Variants in TBC1D5 observed in about 807,000 individuals in gnomAD.
TBC1D5 encodes the protein TBC1 domain family member 5, also known as TBC1 domain family, member 5.
TBC1D5 carries 75 observed loss-of-function variants against 100.3 expected under a neutral mutation model. The ratio of observed to expected loss-of-function variants is 0.75; its 90% CI spans 0.62 to 0.91. The LOEUF (loss-of-function observed/expected upper bound fraction) is 0.91. Among genes scored for constraint, TBC1D5 ranks in the 40% least tolerant of loss-of-function variants. The probability of loss-of-function intolerance (pLI) is 0.00; values close to 1 mark genes in which losing one functional copy is unlikely to be tolerated. For synonymous variants in TBC1D5, 323 were observed against 325.6 expected (o/e 0.99, Z 0.09); for missense variants, 910 against 942.4 (o/e 0.97, Z 0.45).
At chr3:17,491,828 A>G (rs1266561285) in intron 3 of TBC1D5, among the ~76,000 whole-genome samples, 1 of 152,166 alleles carries the variant, frequency 6.6e-6, no homozygotes. Context: ...TGAGTTAGGG[A>G]GGAGTCCCTC....
intron 2 of TBC1D5, among the ~76,000 whole-genome samples, chr3:17,571,651 T>C (rs545435723): frequency 6.6e-6 from 1 of 152,010 alleles, no homozygotes; most frequent in Non-Finnish European, 1.5e-5. Flanking sequence ...CCTGAAAACC[T>C]TCCAACACTC....
At chr3:17,290,596 C>G (rs1011594817) in intron 15 of TBC1D5, among the ~76,000 whole-genome samples, 1 of 152,162 alleles carries the variant, frequency 6.6e-6, no homozygotes, top group African/African-American at 2.4e-5. Context: ...GATCAAAACT[C>G]ATACCTCATT....
chr3:17,558,906 T>C (rs2096538874), intron 2 of TBC1D5, among the ~76,000 whole-genome samples: 1 of 152,180 alleles, frequency 6.6e-6, no homozygotes, highest in Non-Finnish European at 1.5e-5. Context: ...TGTACAAAAA[T>C]GGATGCCAGG....
At chr3:17,259,259 C>A (rs186562625) in intron 15 of TBC1D5, among the ~76,000 whole-genome samples, 358 of 152,288 alleles carry the variant, frequency 2.4e-3, no homozygotes, top group Non-Finnish European at 3.8e-3. Context: ...TTCTAGAATG[C>A]AACATTATTT....
intron 1 of TBC1D5, among the ~76,000 whole-genome samples, chr3:17,688,186 T>C (rs2153822377): frequency 6.6e-6 from 1 of 152,206 alleles, no homozygotes; most frequent in South Asian, 2.1e-4. Context: ...TCATATACAA[T>C]AACCCATTTC....
intron 3 of TBC1D5, among the ~76,000 whole-genome samples, chr3:17,438,315 A>G (rs1477435606): frequency 6.6e-6 from 1 of 152,202 alleles, no homozygotes; most frequent in Non-Finnish European, 1.5e-5. Context: ...TATTAAGGCC[A>G]TAAAAGATTT....
At chr3:17,669,827 G>A (rs1315154220) in intron 1 of TBC1D5, among the ~76,000 whole-genome samples, 3 of 152,154 alleles carry the variant, frequency 2.0e-5, no homozygotes, top group East Asian at 3.9e-4. Flanking sequence ...ACAAGACCAC[G>A]TATCAAGATT....
intron 1 of TBC1D5, chr3:17,664,932 G>T (rs1385993188): frequency 6.8e-6 from 1 of 147,210 alleles, no homozygotes; most frequent in Non-Finnish European, 1.5e-5. Context: ...CCACAGCCTT[G>T]AATGAAGACT....
At chr3:17,640,808 T>C (rs375947010) in intron 1 of TBC1D5, among the ~76,000 whole-genome samples, 4 of 152,128 alleles carry the variant, frequency 2.6e-5, no homozygotes, top group East Asian at 1.9e-4. Context: ...GAACAAACTA[T>C]GGAGTTTCAT....
intron 15 of TBC1D5, among the ~76,000 whole-genome samples, chr3:17,260,665 T>C (rs759270558): frequency 6.6e-6 from 1 of 152,200 alleles, no homozygotes; most frequent in East Asian, 1.9e-4. Flanking sequence ...GACAGTGATG[T>C]TTCTAAAACA....
chr3:17,570,061 C>A (rs1452810624), intron 2 of TBC1D5, among the ~76,000 whole-genome samples: 1 of 151,922 alleles, frequency 6.6e-6, no homozygotes, highest in African/African-American at 2.4e-5. Flanking sequence ...ATGGTCTCAA[C>A]TTTCCATCAG....
intron 19 of TBC1D5, among the ~76,000 whole-genome samples, chr3:17,176,758 C>A (rs1018181213): frequency 1.3e-5 from 2 of 151,366 alleles, no homozygotes; most frequent in African/African-American, 4.9e-5. Flanking sequence ...ATGTAACAAA[C>A]CTGCATGTTC....
At chr3:17,272,179 T>C (rs993744398) in intron 15 of TBC1D5, among the ~76,000 whole-genome samples, 1 of 152,236 alleles carries the variant, frequency 6.6e-6, no homozygotes, top group Non-Finnish European at 1.5e-5. Flanking sequence ...ACACTGTGAC[T>C]TATTTTTCTA....
intron 2 of TBC1D5, among the ~76,000 whole-genome samples, chr3:17,536,476 A>C (rs1015607491): frequency 6.6e-6 from 1 of 152,222 alleles, no homozygotes; most frequent in Non-Finnish European, 1.5e-5. Flanking sequence ...CATTTTCATC[A>C]TCTATCTCCA....
intron 2 of TBC1D5, among the ~76,000 whole-genome samples, chr3:17,557,243 T>C (rs2096528070): frequency 6.6e-6 from 1 of 152,162 alleles, no homozygotes; most frequent in Non-Finnish European, 1.5e-5. Context: ...AAGATAGCTA[T>C]GAAACCTTTG....
At chr3:17,659,097 G>A (rs1277646405) in intron 1 of TBC1D5, among the ~76,000 whole-genome samples, 1 of 152,118 alleles carries the variant, frequency 6.6e-6, no homozygotes, top group Non-Finnish European at 1.5e-5. Flanking sequence ...GTACAGAGGG[G>A]GAAGGGAACC....
chr3:17,470,051 C>T (rs182531236), intron 3 of TBC1D5, among the ~76,000 whole-genome samples: 50 of 152,310 alleles, frequency 3.3e-4, no homozygotes, highest in Middle Eastern at 6.8e-3. Context: ...TACACTCCTA[C>T]ACTGCGCCCT....
At chr3:17,488,719 C>T (rs2095600926) in intron 3 of TBC1D5, among the ~76,000 whole-genome samples, 1 of 152,028 alleles carries the variant, frequency 6.6e-6, no homozygotes, top group Admixed American at 6.6e-5. Flanking sequence ...TTGCAATTCC[C>T]TGATAACATA....
intron 3 of TBC1D5, among the ~76,000 whole-genome samples, chr3:17,447,496 G>C (rs1239106038): frequency 6.6e-6 from 1 of 152,040 alleles, no homozygotes; most frequent in African/African-American, 2.4e-5. Flanking sequence ...CATCACTAGG[G>C]AAAAAAACAG....
Sources: gnomAD v4.1 joint callset for allele counts (sites outside exome capture counted in the v4.1 genomes callset) on GRCh38, gnomAD v4.1.1 for gene constraint, MANE v1.5 for transcripts, NCBI Gene and HGNC (gene_info 2026-07-23, HGNC 2026-07-21) for gene names.